HIVEP3: variants seen among roughly 807,000 people sequenced by gnomAD.
HIVEP3 encodes the protein transcription factor HIVEP3.
A neutral mutation model predicts 152.8 loss-of-function variants in HIVEP3; 49 were observed. The observed-to-expected ratio is 0.32, with a 90% CI of 0.26 to 0.41. The LOEUF is 0.41. HIVEP3 is among the 10% of genes least tolerant of loss of function. HIVEP3 has a pLI of 1.00. For synonymous variants in HIVEP3, 1,269 were observed against 1,289.0 expected (o/e 0.98, Z 0.33); for missense variants, 2,790 against 3,103.3 (o/e 0.90, Z 2.40).
At chr1:41,625,536 A>G (rs996808133) in intron 3 of HIVEP3, among the ~76,000 whole-genome samples, 1 of 152,238 alleles carries the variant, frequency 6.6e-6, no homozygotes, top group African/African-American at 2.4e-5. Flanking sequence ...CGCTAATAAC[A>G]TAATAAATAT....
chr1:41,962,511 T>C (rs896321911), intron 1 of HIVEP3, among the ~76,000 whole-genome samples: 6 of 152,276 alleles, frequency 3.9e-5, no homozygotes, highest in Non-Finnish European at 5.9e-5. Flanking sequence ...ATTTGTGAAC[T>C]TACTAGGTAC....
At chr1:41,567,911 C>T (rs1045999671) in intron 5 of HIVEP3, among the ~76,000 whole-genome samples, 7 of 152,356 alleles carry the variant, frequency 4.6e-5, no homozygotes, top group Middle Eastern at 3.4e-3. Context: ...GTTTCGCCTT[C>T]GTTGTGTCCT....
intron 1 of HIVEP3, among the ~76,000 whole-genome samples, chr1:41,950,131 A>G (rs1026795308): frequency 5.3e-5 from 8 of 152,150 alleles, no homozygotes. Flanking sequence ...GCTCACTAAA[A>G]TGCTAATTAG....
chr1:41,905,740 A>C (rs1249603448), intron 1 of HIVEP3, among the ~76,000 whole-genome samples: 1 of 152,202 alleles, frequency 6.6e-6, no homozygotes, highest in Non-Finnish European at 1.5e-5. Flanking sequence ...GACAATTAGA[A>C]TATAGTACAG....
At chr1:41,793,908 A>C (rs1232282836) in intron 1 of HIVEP3, among the ~76,000 whole-genome samples, 3 of 152,236 alleles carry the variant, frequency 2.0e-5, no homozygotes, top group African/African-American at 7.2e-5. Context: ...TGTCACTGAA[A>C]TATTTTTATA....
chr1:41,556,964 C>G (rs567301125), intron 5 of HIVEP3, among the ~76,000 whole-genome samples: 1 of 152,222 alleles, frequency 6.6e-6, no homozygotes. Context: ...TATTTCTGGG[C>G]TCTCTGTTGT....
intron 1 of HIVEP3, among the ~76,000 whole-genome samples, chr1:41,734,488 G>T (rs904042983): frequency 6.6e-6 from 1 of 152,214 alleles, no homozygotes; most frequent in Non-Finnish European, 1.5e-5. Context: ...ATAGTCAATG[G>T]CCACTAAGCA....
At chr1:41,807,361 C>T (rs559456076) in intron 1 of HIVEP3, among the ~76,000 whole-genome samples, 4 of 152,214 alleles carry the variant, frequency 2.6e-5, no homozygotes, top group Admixed American at 6.5e-5. Flanking sequence ...GGACCCCAGA[C>T]GACAGAAGAG....
chr1:41,731,960 C>T (rs1233527676), intron 1 of HIVEP3, among the ~76,000 whole-genome samples: 1 of 152,252 alleles, frequency 6.6e-6, no homozygotes, highest in Non-Finnish European at 1.5e-5. Flanking sequence ...ATTCCCCTGA[C>T]CGAGTGTTTC....
intron 2 of HIVEP3, among the ~76,000 whole-genome samples, chr1:41,688,665 C>T (rs958585529): frequency 6.6e-6 from 1 of 152,166 alleles, no homozygotes; most frequent in Non-Finnish European, 1.5e-5. Context: ...GGTAGGAATC[C>T]GTCCAAACAC....
chr1:41,856,031 GC>G (rs1274255236), intron 1 of HIVEP3, among the ~76,000 whole-genome samples: 1 of 152,226 alleles, frequency 6.6e-6, no homozygotes, highest in Non-Finnish European at 1.5e-5. Flanking sequence ...GACTACAGGT[GC>G]ATGCCACCAA....
chr1:41,982,458 C>T (rs183631326), intron 1 of HIVEP3, among the ~76,000 whole-genome samples: 28 of 152,218 alleles, frequency 1.8e-4, no homozygotes, highest in African/African-American at 4.8e-4. Context: ...CAGAAATCAA[C>T]AGGGTTTGGA....
intron 1 of HIVEP3, among the ~76,000 whole-genome samples, chr1:41,830,207 C>T (rs1291309130): frequency 1.3e-5 from 2 of 152,242 alleles, no homozygotes; most frequent in Non-Finnish European, 2.9e-5. Flanking sequence ...TGTGTCTCCA[C>T]AAAGTCCTGC....
intron 1 of HIVEP3, among the ~76,000 whole-genome samples, chr1:41,788,245 G>A (rs1193683217): frequency 1.3e-5 from 2 of 152,226 alleles, no homozygotes; most frequent in Admixed American, 1.3e-4. Flanking sequence ...GTGTGAGGCA[G>A]TGCAGGAACG....
intron 2 of HIVEP3, among the ~76,000 whole-genome samples, chr1:41,636,291 C>T (rs10789405): frequency 0.59 from 89,595 of 151,978 alleles, 27,501 homozygotes; most frequent in African/African-American, 0.76. Context: ...ATAGAATACA[C>T]GCACCATAGA....
intron 1 of HIVEP3, among the ~76,000 whole-genome samples, chr1:41,964,300 G>A (rs1645186114): frequency 6.6e-6 from 1 of 152,180 alleles, no homozygotes; most frequent in Non-Finnish European, 1.5e-5. Flanking sequence ...GCCCACCTGG[G>A]AGCCACACGG....
chr1:41,948,175 A>G (rs527555244), intron 1 of HIVEP3, among the ~76,000 whole-genome samples: 2 of 152,232 alleles, frequency 1.3e-5, no homozygotes, highest in Non-Finnish European at 2.9e-5. Flanking sequence ...GGACTTCGAA[A>G]AGCAGGGTAT....
chr1:41,512,924 C>T lies in HIVEP3; in HGVS notation c.6297G>A (p.Ala2099=), dbSNP rs201279333. 140 of 1,595,232 alleles carry T rather than the reference C, an allele frequency of 8.8e-5. 2 individuals are homozygous for T. Among genetic ancestry groups the T allele is most frequent in the South Asian group, 4.0e-4 (36 of 88,936 alleles). Residue 2099 remains alanine (A), a synonymous_variant, in exon 8 of 9, where the codon GCG becomes GCA. Coordinates refer to ENST00000372583, the MANE Select transcript of HIVEP3 (RefSeq NM_024503.5). ...WALAGPGSPS[A]GEHGPGLGLD... The stretch of plus-strand genomic sequence containing the variant: ...GCCCCAAGCCTGGGCCATGCTCCCC[C>T]GCTGAGGGGCTGCCCGGCCCAGCCA...
chr1:41,943,859 G>C (rs1471230787), intron 1 of HIVEP3, among the ~76,000 whole-genome samples: 1 of 152,158 alleles, frequency 6.6e-6, no homozygotes, highest in Non-Finnish European at 1.5e-5. Context: ...AAAAATAATT[G>C]AAGCAATCTG....
Sources: gnomAD v4.1 joint callset for allele counts (sites outside exome capture counted in the v4.1 genomes callset) on GRCh38, gnomAD v4.1.1 for gene constraint, MANE v1.5 for transcripts, NCBI Gene and HGNC (gene_info 2026-07-23, HGNC 2026-07-21) for gene names.